NBEAL1: variants seen among roughly 807,000 people sequenced by gnomAD.
NBEAL1 encodes neurobeachin like 1, also known as neurobeachin-like protein 1.
NBEAL1 carries 273 observed loss-of-function variants against 351.3 expected under a neutral mutation model. The ratio of observed to expected loss-of-function variants is 0.78; its 90% CI spans 0.70 to 0.86. NBEAL1 has a LOEUF of 0.86. NBEAL1 is among the 40% of genes least tolerant of loss of function. The pLI is 0.00. For synonymous variants in NBEAL1, 1,050 were observed against 1,086.4 expected (o/e 0.97, Z 0.66); for missense variants, 2,961 against 3,201.3 (o/e 0.92, Z 1.81).
intron 8 of NBEAL1, among the ~76,000 whole-genome samples, chr2:203,082,189 T>C (rs1295172910): frequency 6.6e-6 from 1 of 152,198 alleles, no homozygotes; most frequent in Admixed American, 6.5e-5. Context: ...AAGGAAAATA[T>C]GTCCACATAA....
At position 203,097,405 on chromosome 2, in the gene NBEAL1, AT is replaced by A. The variant is rs754585540; in HGVS notation, c.1099-139del. On this transcript the variant is annotated intron_variant, in intron 10 of 55. Coordinates refer to ENST00000683969, the MANE Select transcript of NBEAL1 (RefSeq NM_001378026.1). ...TAATCCAAAAAGTGAATAATCTTTAATTTCTAAAAGTGTAGTATATTTCACA... is the reference window on the plus strand; with the variant it reads ...TAATCCAAAAAGTGAATAATCTTTAATTCTAAAAGTGTAGTATATTTCACA... 6.4e-4 allele frequency: 104 copies of A among 163,118 alleles called. 2 individuals are homozygous for A. The highest frequency in any genetic ancestry group is 1.4e-3 in the Admixed American group (21 of 15,304). 10.1% of individuals were successfully genotyped at this position (163,118 alleles called of 1,614,324 possible).
intron 24 of NBEAL1, among the ~76,000 whole-genome samples, chr2:203,129,584 A>G (rs1376345461): frequency 6.6e-6 from 1 of 152,220 alleles, no homozygotes; most frequent in Non-Finnish European, 1.5e-5. Context: ...CTTACTGTTT[A>G]CACACAATAA....
chr2:203,217,772 T>C lies in NBEAL1; in HGVS notation c.*418T>C. 1.0e-6 allele frequency: 1 copy of C among 978,718 alleles called. No individual in the cohort carries two copies. The highest frequency in any genetic ancestry group is 1.2e-6 in the Non-Finnish European group (1 of 823,728). 60.6% of individuals were successfully genotyped at this position (978,718 alleles called of 1,614,324 possible). ...ACTGTAATGAAAATATATCAATTTATTTATGGAACTCCTGATTGGGGATAA... is the reference window on the plus strand; with the variant it reads ...ACTGTAATGAAAATATATCAATTTACTTATGGAACTCCTGATTGGGGATAA... On this transcript the variant is annotated 3_prime_UTR_variant, in exon 56 of 56. Coordinates refer to ENST00000683969, the MANE Select transcript of NBEAL1 (RefSeq NM_001378026.1).
Position 203,209,327 on chromosome 2 carries a change from A to G in NBEAL1, c.7785+5A>G, listed in dbSNP as rs746764952. 2 of 1,609,334 alleles carry G rather than the reference A, an allele frequency of 1.2e-6. No individual in the cohort carries two copies. Among genetic ancestry groups the G allele is most frequent in the South Asian group, 1.1e-5 (1 of 90,822 alleles). On this transcript the variant is annotated splice_donor_5th_base_variant and intron_variant, in intron 53 of 55. Coordinates refer to ENST00000683969, the MANE Select transcript of NBEAL1 (RefSeq NM_001378026.1). ...GAAGAAAAGACCACCCTCAAGGTAT[A>G]TGACCTTTCATGCAATAGAGGTAGA...
At chr2:203,083,613 G>A in intron 9 of NBEAL1, 88 bp downstream of exon 9, 5 of 1,009,556 alleles carry the variant, frequency 5.0e-6, no homozygotes, top group Non-Finnish European at 4.3e-6. Context: ...GCCATTGTAT[G>A]GAAAGTATTG....
At chr2:203,206,540 C>T (rs1452511953) in intron 51 of NBEAL1, among the ~76,000 whole-genome samples, 2 of 152,070 alleles carry the variant, frequency 1.3e-5, no homozygotes, top group South Asian at 2.1e-4. Flanking sequence ...CTCAGCCTGC[C>T]GAGTGCCTGC....
Position 203,050,042 on chromosome 2 carries a change from A to G in NBEAL1, c.305+67A>G, listed in dbSNP as rs1434679148. On this transcript the variant is annotated intron_variant, in intron 4 of 55. Transcript: ENST00000683969. ...GGAGTTGAACAATGAGAACACATGG[A>G]GATGAGGAGGGGAACATCACACACT... The G allele has an allele frequency of 3.5e-6, 5 of 1,438,382 alleles. No homozygotes were observed. In the East Asian group the frequency reaches 1.2e-4, roughly 36 times the overall value. The allele number at this position is 1,438,382 out of a possible 1,614,324, so 89.1% of individuals were successfully genotyped here. A position where few individuals can be genotyped will look rare whatever the true frequency, so the allele number is the denominator to read the frequency against.
Position 203,112,111 on chromosome 2 carries a change from A to G in NBEAL1, c.2202+13A>G. 1 of 1,548,280 alleles carries G rather than the reference A, an allele frequency of 6.5e-7. No homozygotes were observed. The highest frequency in any genetic ancestry group is 8.7e-7 in the Non-Finnish European group (1 of 1,146,236). On this transcript the variant is annotated intron_variant, in intron 16 of 55. Transcript: ENST00000683969. ...TGCCATGAATGAAGTAAGTATATCC[A>G]ACCTACTCTTTACGGGCCCTATTGG...
At chr2:203,212,683 A>G (rs1340286267) in intron 54 of NBEAL1, among the ~76,000 whole-genome samples, 1 of 152,068 alleles carries the variant, frequency 6.6e-6, no homozygotes, top group African/African-American at 2.4e-5. Context: ...GAGCTAAATT[A>G]TATGATTCCA....
At chr2:203,032,905 T>C (rs1309626802) in intron 2 of NBEAL1, among the ~76,000 whole-genome samples, 1 of 151,734 alleles carries the variant, frequency 6.6e-6, no homozygotes. Context: ...CCTCGGGTGA[T>C]CCACCTACCT....
chr2:203,159,502 A>G lies in NBEAL1; in HGVS notation c.5714+1677A>G, dbSNP rs370857234. Reference sequence around the variant, plus strand: ...TTTCATTTGGAATAATGTTTTCAAGATTCATTCGTGTCATAGCATATGAGA... The same window carrying G: ...TTTCATTTGGAATAATGTTTTCAAGGTTCATTCGTGTCATAGCATATGAGA... On this transcript the variant is annotated intron_variant, in intron 36 of 55. Coordinates refer to ENST00000683969, the MANE Select transcript of NBEAL1 (RefSeq NM_001378026.1). Among the ~76,000 whole-genome samples the G allele has an allele frequency of 1.8e-4, 28 of 152,212 alleles. No homozygotes were observed. In the East Asian group the frequency reaches 4.4e-3, roughly 24 times the overall value.
intron 4 of NBEAL1, among the ~76,000 whole-genome samples, chr2:203,050,424 C>T (rs1181194448): frequency 6.6e-6 from 1 of 151,878 alleles, no homozygotes; most frequent in Non-Finnish European, 1.5e-5. Context: ...GTTACTATAC[C>T]TAGTTATAGC....
intron 51 of NBEAL1, 113 bp downstream of exon 51, chr2:203,202,894 G>C: frequency 3.1e-6 from 2 of 653,130 alleles, no homozygotes; most frequent in Non-Finnish European, 2.7e-6. Flanking sequence ...GAGCTCCTTT[G>C]TATTCTTTTT....
chr2:203,014,847 C>T (rs1435962873), upstream of NBEAL1: 3 of 152,424 alleles, frequency 2.0e-5, no homozygotes, highest in Non-Finnish European at 4.4e-5. Flanking sequence ...CCTGCTCCTC[C>T]CGGCCTCTCG....
intron 36 of NBEAL1, among the ~76,000 whole-genome samples, chr2:203,159,061 C>G (rs1246420798): frequency 6.6e-6 from 1 of 152,036 alleles, no homozygotes; most frequent in South Asian, 2.1e-4. Context: ...CCACATGATC[C>G]TCCCGTCTTG....
At chr2:203,027,373 A>G (rs1241752770) in intron 2 of NBEAL1, among the ~76,000 whole-genome samples, 1 of 152,232 alleles carries the variant, frequency 6.6e-6, no homozygotes, top group African/African-American at 2.4e-5. Flanking sequence ...AGAGATATCA[A>G]CATTTTTCTT....
At chr2:203,185,838 A>G (rs527668026) in intron 44 of NBEAL1, among the ~76,000 whole-genome samples, 3 of 152,336 alleles carry the variant, frequency 2.0e-5, no homozygotes, top group African/African-American at 7.2e-5. Context: ...GCCACTTTGT[A>G]ATGTTTAAGC....
intron 31 of NBEAL1, 25 bp downstream of exon 31, chr2:203,138,773 T>G: frequency 6.3e-7 from 1 of 1,595,550 alleles, no homozygotes; most frequent in Non-Finnish European, 8.5e-7. Flanking sequence ...TTATATTATT[T>G]TCTGTGCTTG....
At chr2:203,136,795 T>C (rs940560215) in intron 29 of NBEAL1, 21 bp downstream of exon 29, 29 of 1,603,374 alleles carry the variant, frequency 1.8e-5, no homozygotes, top group African/African-American at 2.7e-5. Context: ...AGTTAGTGAT[T>C]TTCCATCCTC....
Sources: gnomAD v4.1 joint callset for allele counts (sites outside exome capture counted in the v4.1 genomes callset) on GRCh38, gnomAD v4.1.1 for gene constraint, MANE v1.5 for transcripts, NCBI Gene and HGNC (gene_info 2026-07-23, HGNC 2026-07-21) for gene names.